TSHZ2: variants seen among roughly 807,000 people sequenced by gnomAD.
The protein encoded by TSHZ2 is teashirt homolog 2.
TSHZ2 carries 21 observed loss-of-function variants against 74.4 expected under a neutral mutation model. That is an observed-to-expected ratio of 0.28 (90% confidence interval 0.20 to 0.41). TSHZ2 has a LOEUF of 0.41. Among genes scored for constraint, TSHZ2 ranks in the 10% least tolerant of loss-of-function variants. The pLI is 1.00. For synonymous variants in TSHZ2, 540 were observed against 515.3 expected (o/e 1.05, Z -0.65); for missense variants, 1,244 against 1,293.5 (o/e 0.96, Z 0.59).
At chr20:53,093,248 GC>G (rs1207827101) in intron 1 of TSHZ2, among the ~76,000 whole-genome samples, 1 of 152,202 alleles carries the variant, frequency 6.6e-6, no homozygotes, top group Non-Finnish European at 1.5e-5. Context: ...GACCCAGTAA[GC>G]ACACATCCAA....
At chr20:53,084,669 C>G (rs1313079857) in intron 1 of TSHZ2, among the ~76,000 whole-genome samples, 1 of 67,094 alleles carries the variant, frequency 1.5e-5, no homozygotes, top group African/African-American at 6.0e-5. Context: ...TTCTCTCCTT[C>G]TCTCCCTCCC....
At chr20:53,264,539 C>T (rs763304048) in intron 2 of TSHZ2, among the ~76,000 whole-genome samples, 1 of 152,216 alleles carries the variant, frequency 6.6e-6, no homozygotes, top group Non-Finnish European at 1.5e-5. Flanking sequence ...GTGGAATCTT[C>T]TTGCATGCCA....
At chr20:53,248,078 G>A (rs181072386) in intron 1 of TSHZ2, among the ~76,000 whole-genome samples, 1 of 152,084 alleles carries the variant, frequency 6.6e-6, no homozygotes, top group Non-Finnish European at 1.5e-5. Context: ...TCCTTCTGTT[G>A]TTGTTTTTTT....
chr20:53,214,867 G>A (rs867690764), intron 1 of TSHZ2, among the ~76,000 whole-genome samples: 4 of 152,152 alleles, frequency 2.6e-5, no homozygotes, highest in African/African-American at 9.7e-5. Context: ...GAAGGAGCCC[G>A]TAAACCTGAG....
chr20:53,422,560 A>C (rs944650599), intron 2 of TSHZ2, among the ~76,000 whole-genome samples: 1 of 152,164 alleles, frequency 6.6e-6, no homozygotes, highest in Non-Finnish European at 1.5e-5. Context: ...AATTTCAAAC[A>C]TACACCCACA....
chr20:53,197,764 C>G (rs554365430), intron 1 of TSHZ2, among the ~76,000 whole-genome samples: 25 of 152,308 alleles, frequency 1.6e-4, no homozygotes, highest in African/African-American at 5.5e-4. Context: ...TGGGCCAGAA[C>G]AGACAAACAT....
intron 1 of TSHZ2, among the ~76,000 whole-genome samples, chr20:53,230,550 C>T (rs1377354569): frequency 2.0e-5 from 3 of 152,058 alleles, no homozygotes; most frequent in African/African-American, 4.8e-5. Context: ...CACGGTGCCC[C>T]GTTTTCTGTA....
rs1555813625 is a variant in TSHZ2 at position 53,001,230 on chromosome 20, G to GTGTGTGTGTGTGTA, written c.40+27910_40+27911insATGTGTGTGTGTGT. 7.2e-3 allele frequency among the ~76,000 whole-genome samples: 912 copies of GTGTGTGTGTGTGTA among 126,204 alleles called. 6 individuals carry two copies. The highest frequency in any genetic ancestry group is 0.028 in the Middle Eastern group (7 of 254). 82.8% of individuals were successfully genotyped at this position (126,204 alleles called of 152,430 possible). On this transcript the variant is annotated intron_variant, in intron 1 of 2. Transcript: ENST00000371497. ...CGTGTGTGTGTGTGTGTGTGTGTGT[G>GTGTGTGTGTGTGTA]TGTGTGTGTGTGTGTGTGTGTGTGT...
intron 2 of TSHZ2, among the ~76,000 whole-genome samples, chr20:53,291,909 T>C (rs1404856884): frequency 2.6e-5 from 4 of 151,326 alleles, no homozygotes; most frequent in African/African-American, 9.7e-5. Flanking sequence ...GTTATTGGGA[T>C]ACTGACACCA....
At chr20:53,426,880 G>C (rs1033055116) in intron 2 of TSHZ2, among the ~76,000 whole-genome samples, 1 of 152,178 alleles carries the variant, frequency 6.6e-6, no homozygotes, top group Non-Finnish European at 1.5e-5. Context: ...CAGTGAAATT[G>C]TCAGTTGATT....
chr20:53,034,440 G>A (rs1024876364), intron 1 of TSHZ2, among the ~76,000 whole-genome samples: 17 of 152,198 alleles, frequency 1.1e-4, no homozygotes, highest in Admixed American at 1.1e-3. Context: ...GGGTACTGGG[G>A]ATAAAGAGTG....
chr20:53,476,613 C>T (rs1986000948), intron 2 of TSHZ2, among the ~76,000 whole-genome samples: 1 of 139,266 alleles, frequency 7.2e-6, no homozygotes, highest in Non-Finnish European at 1.5e-5. Flanking sequence ...ACAGGGATGC[C>T]CTCTGTCACC....
At chr20:53,159,237 C>T (rs929514880) in intron 1 of TSHZ2, among the ~76,000 whole-genome samples, 2 of 152,192 alleles carry the variant, frequency 1.3e-5, no homozygotes, top group Non-Finnish European at 2.9e-5. Flanking sequence ...AGTTAAATGC[C>T]AGGCTGAGCC....
At chr20:53,451,339 A>G (rs1250344660) in intron 2 of TSHZ2, among the ~76,000 whole-genome samples, 1 of 152,222 alleles carries the variant, frequency 6.6e-6, no homozygotes, top group Non-Finnish European at 1.5e-5. Context: ...ACTATTTTGG[A>G]AATCTTATCT....
At chr20:53,264,670 A>G (rs1990672791) in intron 2 of TSHZ2, among the ~76,000 whole-genome samples, 1 of 152,244 alleles carries the variant, frequency 6.6e-6, no homozygotes, top group South Asian at 2.1e-4. Context: ...GCAAAGGACT[A>G]TGGCTAAAGG....
At chr20:53,160,045 C>T (rs986432745) in intron 1 of TSHZ2, among the ~76,000 whole-genome samples, 1 of 152,118 alleles carries the variant, frequency 6.6e-6, no homozygotes, top group Non-Finnish European at 1.5e-5. Context: ...TCCATCATCC[C>T]AGAAGGGAGG....
At chr20:53,463,044 C>A (rs1985429463) in intron 2 of TSHZ2, among the ~76,000 whole-genome samples, 1 of 152,148 alleles carries the variant, frequency 6.6e-6, no homozygotes, top group African/African-American at 2.4e-5. Flanking sequence ...TAACTGATAA[C>A]AGCTATTGTT....
chr20:53,447,086 CCTT>C (rs1183913342), intron 2 of TSHZ2, among the ~76,000 whole-genome samples: 1 of 152,228 alleles, frequency 6.6e-6, no homozygotes. Context: ...AGCCTTTGCT[CCTT>C]CTCAATAGTC....
At chr20:53,470,523 T>C (rs531643921) in intron 2 of TSHZ2, among the ~76,000 whole-genome samples, 120 of 152,246 alleles carry the variant, frequency 7.9e-4, no homozygotes, top group Non-Finnish European at 1.3e-3. Context: ...CTTTTTAAAA[T>C]AATAACACTT....
Sources: gnomAD v4.1 joint callset for allele counts (sites outside exome capture counted in the v4.1 genomes callset) on GRCh38, gnomAD v4.1.1 for gene constraint, MANE v1.5 for transcripts, NCBI Gene and HGNC (gene_info 2026-07-23, HGNC 2026-07-21) for gene names.